Variants in PRIMPOL observed in about 807,000 individuals in gnomAD.
PRIMPOL encodes the protein primase and DNA directed polymerase.
In PRIMPOL, 54 loss-of-function variants were observed where a neutral mutation model predicts 63.6. The ratio of observed to expected loss-of-function variants is 0.85; its 90% CI spans 0.68 to 1.07. The LOEUF is 1.07. Ranked by LOEUF, PRIMPOL falls within the 50% of genes least tolerant of loss-of-function variation. The pLI is 0.00. For synonymous variants in PRIMPOL, 197 were observed against 220.2 expected, an observed-to-expected ratio of 0.89 and a Z score of 0.93; for missense variants, 610 against 648.3, an observed-to-expected ratio of 0.94 and a Z score of 0.64.
chr4:184,675,796 A>C (rs993350214), intron 7 of PRIMPOL, among the ~76,000 whole-genome samples: 3 of 152,168 alleles, frequency 2.0e-5, no homozygotes, highest in Non-Finnish European at 2.9e-5. Flanking sequence ...CAGCCTGGGC[A>C]ACAGAGTAAG....
At chr4:184,671,942 G>A (rs372414610) in intron 6 of PRIMPOL, among the ~76,000 whole-genome samples, 2,777 of 151,792 alleles carry the variant, frequency 0.018, 64 homozygotes, top group South Asian at 0.025. Context: ...GGGTTTCACC[G>A]TGTTAACCAG....
intron 11 of PRIMPOL, among the ~76,000 whole-genome samples, chr4:184,690,920 T>G (rs554733469): frequency 6.6e-6 from 1 of 152,364 alleles, no homozygotes; most frequent in East Asian, 1.9e-4. Context: ...ATTATGGATT[T>G]CTATTAGTTT....
In PRIMPOL at chr4:184,694,419, G is replaced by A. The variant is rs1579737171; in HGVS notation, c.1426-103G>A. The A allele has an allele frequency of 3.1e-6, 4 of 1,293,994 alleles. No homozygotes were observed. In the East Asian group the frequency reaches 9.1e-5, roughly 30 times the overall value. 80.2% of individuals were successfully genotyped at this position (1,293,994 alleles called of 1,614,324 possible). A position where few individuals can be genotyped will look rare whatever the true frequency, so the allele number is the denominator to read the frequency against. On this transcript the variant is annotated intron_variant, in intron 13 of 13. Transcript: ENST00000314970. Reference sequence around the variant, plus strand: ...CTCCTGCATATTCACTTTAGTATCTGTCACTTAATACCTTACTTCAACATA... The same window carrying A: ...CTCCTGCATATTCACTTTAGTATCTATCACTTAATACCTTACTTCAACATA...
chr4:184,678,476 A>G, intron 8 of PRIMPOL, 82 bp downstream of exon 8: 1 of 1,000,836 alleles, frequency 1.0e-6, no homozygotes, highest in Non-Finnish European at 1.5e-6. Context: ...ACTAAAATGT[A>G]AATCATCTAA....
At chr4:184,671,440 CATTATT>C (rs141634593) in intron 6 of PRIMPOL, among the ~76,000 whole-genome samples, 1 of 151,738 alleles carries the variant, frequency 6.6e-6, no homozygotes, top group Admixed American at 6.6e-5. Flanking sequence ...CTTCATTCTT[CATTATT>C]ATTATTATTA....
intron 6 of PRIMPOL, among the ~76,000 whole-genome samples, chr4:184,670,836 A>G (rs1751412014): frequency 6.6e-6 from 1 of 152,216 alleles, no homozygotes; most frequent in Non-Finnish European, 1.5e-5. Flanking sequence ...GGCATGAGCC[A>G]CCACACCTGG....
chr4:184,677,423 TA>T (rs1754388335), intron 7 of PRIMPOL, among the ~76,000 whole-genome samples: 1 of 152,212 alleles, frequency 6.6e-6, no homozygotes, highest in Non-Finnish European at 1.5e-5. Context: ...ACCTTTGCCA[TA>T]AATCAGTGGC....
intron 1 of PRIMPOL, among the ~76,000 whole-genome samples, chr4:184,650,991 G>A (rs2150006726): frequency 6.6e-6 from 1 of 152,244 alleles, no homozygotes; most frequent in East Asian, 1.9e-4. Context: ...GGTTAAGGCC[G>A]AGTTTAAAGA....
chr4:184,676,306 C>T (rs1420597219), intron 7 of PRIMPOL, among the ~76,000 whole-genome samples: 1 of 127,672 alleles, frequency 7.8e-6, no homozygotes, highest in Non-Finnish European at 1.6e-5. Flanking sequence ...CCTCCCCTGC[C>T]TTCCCCTCCC....
intron 7 of PRIMPOL, among the ~76,000 whole-genome samples, chr4:184,675,801 A>G (rs1753146574): frequency 6.6e-6 from 1 of 152,170 alleles, no homozygotes; most frequent in Non-Finnish European, 1.5e-5. Context: ...TGGGCAACAG[A>G]GTAAGACTCA....
chr4:184,661,427 C>G (rs1329618124), intron 4 of PRIMPOL, among the ~76,000 whole-genome samples: 1 of 152,186 alleles, frequency 6.6e-6, no homozygotes, highest in Non-Finnish European at 1.5e-5. Flanking sequence ...AAGATAGAGG[C>G]TGGGCGTGGT....
At chr4:184,652,345 G>C (rs1744792985) in intron 2 of PRIMPOL, among the ~76,000 whole-genome samples, 1 of 152,078 alleles carries the variant, frequency 6.6e-6, no homozygotes, top group Non-Finnish European at 1.5e-5. Context: ...GGGTGATTGG[G>C]CTGGCAGAGT....
At chr4:184,690,560 A>G (rs577063728) in intron 11 of PRIMPOL, among the ~76,000 whole-genome samples, 230 of 152,256 alleles carry the variant, frequency 1.5e-3, no homozygotes, top group African/African-American at 5.2e-3. Flanking sequence ...CCCAGGTTCA[A>G]GTGATTCTCC....
rs1469196166 is a variant in PRIMPOL at position 184,652,643 on chromosome 4, T to C, written c.-60+543T>C. 2.0e-5 allele frequency among the ~76,000 whole-genome samples: 3 copies of C among 152,260 alleles called. No individual in the cohort carries two copies. The East Asian group carries it at 5.8e-4, about 29-fold the overall frequency. On this transcript the variant is annotated intron_variant, in intron 2 of 13. Coordinates refer to ENST00000314970, the MANE Select transcript of PRIMPOL (RefSeq NM_152683.4). ...TTTTGATCACATACTTTATAATAAA[T>C]ACTTTAGCAGTGGGAGAAATAGTAC...
At chr4:184,673,588 C>T (rs1752502575) in intron 7 of PRIMPOL, among the ~76,000 whole-genome samples, 1 of 151,166 alleles carries the variant, frequency 6.6e-6, no homozygotes, top group Non-Finnish European at 1.5e-5. Context: ...CCACGCCCAG[C>T]TAATTTTTGT....
At position 184,674,914 on chromosome 4, in the gene PRIMPOL, T is replaced by C. The variant is rs183897737; in HGVS notation, c.844+2454T>C. Among the ~76,000 whole-genome samples, 659 of 152,328 alleles carry C rather than the reference T, an allele frequency of 4.3e-3. 18 individuals carry two copies. The highest frequency in any genetic ancestry group is 0.035 in the Admixed American group (540 of 15,296). ...CATGTCAAGCAATTCAGCCTTTTCCTGTAAGGTCATGACATTTCTCTGTGT... is the reference window on the plus strand; with the variant it reads ...CATGTCAAGCAATTCAGCCTTTTCCCGTAAGGTCATGACATTTCTCTGTGT... On this transcript the variant is annotated intron_variant, in intron 7 of 13. Transcript: ENST00000314970.
At chr4:184,661,575 G>A (rs569832917) in intron 4 of PRIMPOL, among the ~76,000 whole-genome samples, 199 bp from the exon 5 acceptor site, 37 of 152,056 alleles carry the variant, frequency 2.4e-4, no homozygotes, top group African/African-American at 5.8e-4. Flanking sequence ...GCGTGGTGGC[G>A]TGTGCCTGTA....
At chr4:184,691,101 T>C (rs1271715624) in intron 11 of PRIMPOL, among the ~76,000 whole-genome samples, 1 of 151,576 alleles carries the variant, frequency 6.6e-6, no homozygotes, top group African/African-American at 2.5e-5. Flanking sequence ...TTTTTCTGTA[T>C]CCTTATTGGA....
At chr4:184,662,776 C>T (rs946075774) in intron 5 of PRIMPOL, among the ~76,000 whole-genome samples, 1 of 151,906 alleles carries the variant, frequency 6.6e-6, no homozygotes, top group East Asian at 1.9e-4. Context: ...CTAGTATTCT[C>T]TGTTGGACCT....
Sources: allele counts gnomAD v4.1 joint callset (sites outside exome capture counted in the v4.1 genomes callset), GRCh38; gene constraint gnomAD v4.1.1; transcripts MANE v1.5; gene names NCBI Gene and HGNC (gene_info 2026-07-23, HGNC 2026-07-21).